The following ALX1 variants were observed in gnomAD, a reference collection of about 807,000 sequenced individuals.
ALX1 encodes ALX homeobox 1.
A neutral mutation model predicts 31.7 loss-of-function variants in ALX1; 19 were observed. That is an observed-to-expected ratio of 0.60 (90% CI 0.42 to 0.88). ALX1 has a LOEUF of 0.88. ALX1 is among the 40% of genes least tolerant of loss of function. The pLI is 0.00. For synonymous variants in ALX1, 153 were observed against 148.8 expected (o/e 1.03, Z -0.20); for missense variants, 415 against 407.8 (o/e 1.02, Z -0.15).
chr12:85,280,540 A>T, intron 1 of ALX1, 53 bp downstream of exon 1: 3 of 1,575,586 alleles, frequency 1.9e-6, no homozygotes, highest in Non-Finnish European at 2.6e-6. Context: ...GCAATCGAAA[A>T]TGCAGGATCG....
rs752153798 is a variant in ALX1, at chr12:85,283,671, G to C, written c.326G>C (p.Gly109Ala). 1.2e-6 allele frequency: 2 copies of C among 1,614,144 alleles called. No individual in the cohort carries two copies. The highest frequency in any genetic ancestry group is 1.7e-6 in the Non-Finnish European group (2 of 1,180,018). Residue 109 changes from glycine (G) to alanine (A), a missense_variant, in exon 2 of 4, where the codon GGG becomes GCG. Transcript: ENST00000316824. Reference sequence around the variant, plus strand: ...AGTCTCCGAATGTCTCCCGTGAAAGGGATGCAAGAGAAGGGAGAGCTGGAT... The same window carrying C: ...AGTCTCCGAATGTCTCCCGTGAAAGCGATGCAAGAGAAGGGAGAGCTGGAT... ...CNSLRMSPVK[G>A]MQEKGELDEL...
intron 1 of ALX1, among the ~76,000 whole-genome samples, chr12:85,280,837 C>G (rs1462844530): frequency 6.6e-6 from 1 of 151,956 alleles, no homozygotes; most frequent in African/African-American, 2.4e-5. Context: ...CAAGACAGAA[C>G]GCTTCCTCTG....
intron 1 of ALX1, among the ~76,000 whole-genome samples, chr12:85,280,830 G>C (rs1896661860): frequency 6.6e-6 from 1 of 151,964 alleles, no homozygotes; most frequent in South Asian, 2.1e-4. Context: ...ATTGAGTCAA[G>C]ACAGAACGCT....
rs1235628140 is a variant in ALX1, at chr12:85,283,883, G to A, written c.531+7G>A. On this transcript the variant is annotated splice_region_variant and intron_variant, in intron 2 of 3. Coordinates refer to ENST00000316824, the MANE Select transcript of ALX1 (RefSeq NM_006982.3). The stretch of plus-strand genomic sequence containing the variant: ...CACTGAGGCCAGGGTCCAGGTAGGA[G>A]CCAAAAAGAGGCCTTGATGGATGGG... The A allele has an allele frequency of 1.2e-6, 2 of 1,613,430 alleles. No individual in the cohort carries two copies. Among genetic ancestry groups the A allele is most frequent in the East Asian group, 4.5e-5 (2 of 44,890 alleles).
rs766955975 is a variant in ALX1 at position 85,280,409 on chromosome 12, G to T, written c.148G>T (p.Val50Leu). ...CAGCAAAGCGTCTGCAGGCAAATGC[G>T]TGCAGGCCTTCGGACCCCTGCCCCG... Reference protein sequence around the residue: ...FYSKASAGKCVQAFGPLPRAE... With the variant: ...FYSKASAGKCLQAFGPLPRAE... The change falls in exon 1 of 4, where the codon GTG becomes TTG. Residue 50 changes from valine to leucine, a missense_variant. Physicochemically the swap from Val to Leu is conservative, Grantham distance 32. Coordinates refer to ENST00000316824, the MANE Select transcript of ALX1 (RefSeq NM_006982.3). 3.1e-6 allele frequency: 5 copies of T among 1,613,410 alleles called. No homozygotes were observed. Among genetic ancestry groups the T allele is most frequent in the Admixed American group, 3.3e-5 (2 of 60,028 alleles).
intron 3 of ALX1, among the ~76,000 whole-genome samples, chr12:85,295,525 T>A (rs1209638194): frequency 1.3e-5 from 2 of 151,594 alleles, no homozygotes; most frequent in African/African-American, 2.4e-5. Context: ...TACAGAAAAT[T>A]AATAAATGTA....
rs545653499 is a variant in ALX1, at chr12:85,291,511, A to T, written c.660+4530A>T. Among the ~76,000 whole-genome samples the T allele has an allele frequency of 9.9e-5, 15 of 151,362 alleles. No homozygotes were observed. The South Asian group carries it at 3.1e-3, about 31-fold the overall frequency. ...AAAAATAATTATTTTAGTGAATAAA[A>T]TAATTTATCTTAAGGTATAAGTATT... On this transcript the variant is annotated intron_variant, in intron 3 of 3. Coordinates refer to ENST00000316824, the MANE Select transcript of ALX1 (RefSeq NM_006982.3).
intron 3 of ALX1, among the ~76,000 whole-genome samples, chr12:85,294,717 T>G (rs1452536909): frequency 2.0e-5 from 3 of 151,152 alleles, no homozygotes; most frequent in East Asian, 3.9e-4. Flanking sequence ...CATACACATT[T>G]ATTTTTCTGC....
chr12:85,294,341 G>A (rs1175563315), intron 3 of ALX1, among the ~76,000 whole-genome samples: 1 of 150,914 alleles, frequency 6.6e-6, no homozygotes, highest in African/African-American at 2.4e-5. Context: ...GAAAAATAAT[G>A]CAACAAGTGT....
chr12:85,288,788 C>T (rs1436072155), intron 3 of ALX1, among the ~76,000 whole-genome samples: 1 of 151,394 alleles, frequency 6.6e-6, no homozygotes, highest in African/African-American at 2.4e-5. Context: ...TTTAACCTGA[C>T]AATAGACTGT....
intron 2 of ALX1, 145 bp from the exon 3 acceptor site, chr12:85,286,708 T>C (rs1432105611): frequency 3.8e-6 from 3 of 779,270 alleles, no homozygotes; most frequent in Admixed American, 5.9e-5. Flanking sequence ...AAGTAAAATC[T>C]GTGGATCCTT....
In ALX1 at chr12:85,301,598, A is replaced by ACGCCTGTAATC; in HGVS notation, c.*124_*125insGCCTGTAATCC. The ACGCCTGTAATC allele has an allele frequency of 1.0e-6, 1 of 987,322 alleles. No homozygotes were observed. Among genetic ancestry groups the ACGCCTGTAATC allele is most frequent in the Non-Finnish European group, 1.5e-6 (1 of 654,732 alleles). The allele number at this position is 987,322 out of a possible 1,614,324, so 61.2% of individuals were successfully genotyped here. On this transcript the variant is annotated 3_prime_UTR_variant, in exon 4 of 4. Coordinates refer to ENST00000316824, the MANE Select transcript of ALX1 (RefSeq NM_006982.3). ...GCTAAAGGTCAAGATATTCAGTGAG[A>ACGCCTGTAATC]CCAGCTTAAATGAATAGTTGTTATT...
chr12:85,296,435 T>A (rs992827636), intron 3 of ALX1, among the ~76,000 whole-genome samples: 12 of 151,604 alleles, frequency 7.9e-5, no homozygotes, highest in Admixed American at 6.6e-5. Flanking sequence ...AATAAAACTT[T>A]TCTCTAAAAT....
At chr12:85,282,577 T>C (rs1204178698) in intron 1 of ALX1, among the ~76,000 whole-genome samples, 1 of 152,200 alleles carries the variant, frequency 6.6e-6, no homozygotes, top group African/African-American at 2.4e-5. Flanking sequence ...GAAATTATTA[T>C]TCTGGCTGGT....
rs1896657435 is a variant in ALX1, at chr12:85,280,632, G to T, written c.226+145G>T. 3 of 904,126 alleles carry T rather than the reference G, an allele frequency of 3.3e-6. No homozygotes were observed. The East Asian group carries it at 7.9e-5, about 24-fold the overall frequency. 56.0% of individuals were successfully genotyped at this position (904,126 alleles called of 1,614,324 possible). On this transcript the variant is annotated intron_variant, in intron 1 of 3. Transcript: ENST00000316824. ...TGGAGGAAGGTAGTGGAAGGTGCTC[G>T]CTTTATGAAGCGGTGTTACTGCTGC...
intron 3 of ALX1, among the ~76,000 whole-genome samples, chr12:85,299,474 G>T (rs12425342): frequency 6.6e-6 from 1 of 151,234 alleles, no homozygotes; most frequent in Non-Finnish European, 1.5e-5. Context: ...AAATATATAT[G>T]TTTAGATATG....
At chr12:85,298,122 A>T (rs1593053691) in intron 3 of ALX1, among the ~76,000 whole-genome samples, 1 of 151,636 alleles carries the variant, frequency 6.6e-6, no homozygotes, top group East Asian at 1.9e-4. Flanking sequence ...CAAAGTAGGG[A>T]TAATGAGTAA....
chr12:85,281,828 C>T (rs1490138484), intron 1 of ALX1, among the ~76,000 whole-genome samples: 2 of 152,128 alleles, frequency 1.3e-5, no homozygotes, highest in African/African-American at 4.8e-5. Context: ...GCATGCCTAA[C>T]GTTATTTGAA....
At chr12:85,281,059 C>A (rs559509678) in intron 1 of ALX1, among the ~76,000 whole-genome samples, 92 of 152,204 alleles carry the variant, frequency 6.0e-4, no homozygotes, top group Middle Eastern at 3.4e-3. Flanking sequence ...AGATTTCTAG[C>A]GTGTGTGAAT....
Sources: allele counts gnomAD v4.1 joint callset (sites outside exome capture counted in the v4.1 genomes callset), GRCh38; gene constraint gnomAD v4.1.1; transcripts MANE v1.5; gene names NCBI Gene and HGNC (gene_info 2026-07-23, HGNC 2026-07-21).